CACNG3: variants seen among roughly 807,000 people sequenced by gnomAD.
CACNG3 encodes the protein voltage-dependent calcium channel gamma-3 subunit.
A neutral mutation model predicts 28.5 loss-of-function variants in CACNG3; 3 were observed. The observed-to-expected ratio is 0.11, with a 90% CI of 0.05 to 0.27. The LOEUF (loss-of-function observed/expected upper bound fraction) is 0.27. CACNG3 is among the 10% of genes least tolerant of loss of function. The probability of loss-of-function intolerance (pLI) is 1.00; values close to 1 mark genes in which losing one functional copy is unlikely to be tolerated. For synonymous variants in CACNG3, 174 were observed against 162.2 expected (o/e 1.07, Z -0.55); for missense variants, 236 against 414.4 (o/e 0.57, Z 3.74).
intron 1 of CACNG3, among the ~76,000 whole-genome samples, chr16:24,336,274 CAT>C (rs1491554653): frequency 1.4e-5 from 2 of 144,242 alleles, no homozygotes; most frequent in Admixed American, 1.4e-4. Flanking sequence ...AGATCACTGG[CAT>C]TTTTTTTTTT....
intron 1 of CACNG3, among the ~76,000 whole-genome samples, chr16:24,273,720 G>T (rs1160739227): frequency 1.3e-5 from 2 of 152,172 alleles, no homozygotes; most frequent in East Asian, 3.8e-4. Flanking sequence ...CAAGAAAAAT[G>T]TCCAAATGGA....
At chr16:24,340,666 T>C (rs562522989) in intron 1 of CACNG3, among the ~76,000 whole-genome samples, 1 of 152,250 alleles carries the variant, frequency 6.6e-6, no homozygotes, top group African/African-American at 2.4e-5. Flanking sequence ...TACAATCTTC[T>C]CTCCCCAGGA....
At chr16:24,305,680 C>A (rs1168258752) in intron 1 of CACNG3, among the ~76,000 whole-genome samples, 1 of 152,016 alleles carries the variant, frequency 6.6e-6, no homozygotes, top group African/African-American at 2.4e-5. Flanking sequence ...AGCATTAGGA[C>A]AAACACCTAA....
chr16:24,296,422 AACTT>A (rs1899032532), intron 1 of CACNG3, among the ~76,000 whole-genome samples: 1 of 152,158 alleles, frequency 6.6e-6, no homozygotes, highest in Non-Finnish European at 1.5e-5. Flanking sequence ...TGTGCACAAA[AACTT>A]AATCAATTAC....
chr16:24,271,648 T>C (rs563193043), intron 1 of CACNG3, among the ~76,000 whole-genome samples: 1 of 152,318 alleles, frequency 6.6e-6, no homozygotes, highest in African/African-American at 2.4e-5. Context: ...GCCGCTACTA[T>C]GTGCTAGACC....
At chr16:24,352,406 T>C (rs1264997663) in intron 2 of CACNG3, among the ~76,000 whole-genome samples, 1 of 152,162 alleles carries the variant, frequency 6.6e-6, no homozygotes, top group Non-Finnish European at 1.5e-5. Context: ...GCGAATTCTG[T>C]TGGCTTTACT....
intron 2 of CACNG3, 46 bp from the exon 3 acceptor site, chr16:24,354,786 AG>A: frequency 4.4e-6 from 7 of 1,596,370 alleles, no homozygotes; most frequent in Non-Finnish European, 6.0e-6. Context: ...GGAGGACCCC[AG>A]GGGCTGGCTG....
chr16:24,336,897 C>T (rs1034052905), intron 1 of CACNG3, among the ~76,000 whole-genome samples: 1 of 152,132 alleles, frequency 6.6e-6, no homozygotes, highest in African/African-American at 2.4e-5. Flanking sequence ...TCACTGCAGC[C>T]TCAATCTCCC....
chr16:24,264,661 G>A (rs1898574129), intron 1 of CACNG3, among the ~76,000 whole-genome samples: 1 of 152,182 alleles, frequency 6.6e-6, no homozygotes, highest in Non-Finnish European at 1.5e-5. Context: ...GCTCCCTGCA[G>A]GAACATACAT....
chr16:24,271,772 C>T (rs932742763), intron 1 of CACNG3, among the ~76,000 whole-genome samples: 1 of 152,176 alleles, frequency 6.6e-6, no homozygotes, highest in Non-Finnish European at 1.5e-5. Flanking sequence ...GTGAGCAGGG[C>T]ATGGGGCTCC....
rs1456654703 is a variant in CACNG3 at position 24,256,989 on chromosome 16, G to T, written c.211+24G>T. The T allele has an allele frequency of 7.2e-7, 1 of 1,398,220 alleles. No individual in the cohort carries two copies. Among genetic ancestry groups the T allele is most frequent in the Non-Finnish European group, 1.0e-6 (1 of 983,300 alleles). The allele number at this position is 1,398,220 out of a possible 1,614,324, so 86.6% of individuals were successfully genotyped here. A position where few individuals can be genotyped will look rare whatever the true frequency, so the allele number is the denominator to read the frequency against. On this transcript the variant is annotated intron_variant, in intron 1 of 3. Coordinates refer to ENST00000005284, the MANE Select transcript of CACNG3 (RefSeq NM_006539.4). This position sits in a 1 kb window ranked among gnomAD's most constrained non-coding sequence, Gnocchi z 4.6. ...AGGTATTTACAATTTCCTCTCAATAGCTCTGAATAATCCAGTTCTGATATT... is the reference window on the plus strand; with the variant it reads ...AGGTATTTACAATTTCCTCTCAATATCTCTGAATAATCCAGTTCTGATATT...
intron 1 of CACNG3, among the ~76,000 whole-genome samples, chr16:24,285,558 A>T (rs1898881490): frequency 6.6e-6 from 1 of 152,264 alleles, no homozygotes; most frequent in South Asian, 2.1e-4. Flanking sequence ...AGAGCCAGAC[A>T]CAATGGCACA....
At chr16:24,278,481 T>C (rs1898780445) in intron 1 of CACNG3, among the ~76,000 whole-genome samples, 1 of 152,068 alleles carries the variant, frequency 6.6e-6, no homozygotes, top group Admixed American at 6.5e-5. Flanking sequence ...CTGGGTGTGG[T>C]GGCACATGCC....
chr16:24,335,877 C>A (rs1173083358), intron 1 of CACNG3, among the ~76,000 whole-genome samples: 2 of 152,006 alleles, frequency 1.3e-5, no homozygotes, highest in Admixed American at 6.6e-5. Flanking sequence ...GAGTTGGAGA[C>A]CAGCCTAGCC....
At chr16:24,359,641 C>T (rs139191360) in intron 3 of CACNG3, among the ~76,000 whole-genome samples, 1 of 151,888 alleles carries the variant, frequency 6.6e-6, no homozygotes, top group Non-Finnish European at 1.5e-5. Flanking sequence ...GTGGGAGGAT[C>T]ACTTGAGGCC....
intron 1 of CACNG3, among the ~76,000 whole-genome samples, chr16:24,316,366 C>G (rs1026353714): frequency 4.0e-5 from 6 of 151,796 alleles, no homozygotes; most frequent in Non-Finnish European, 8.8e-5. Context: ...TCACTGAGGA[C>G]CAGGCTTGGC....
chr16:24,362,112 T>C lies in CACNG3; in HGVS notation c.*249T>C, dbSNP rs2141387228. The C allele has an allele frequency of 5.0e-6, 2 of 398,230 alleles. No homozygotes were observed. The highest frequency in any genetic ancestry group is 7.4e-5 in the East Asian group (2 of 26,974). The allele number at this position is 398,230 out of a possible 1,614,324, so 24.7% of individuals were successfully genotyped here. On this transcript the variant is annotated 3_prime_UTR_variant, in exon 4 of 4. Coordinates refer to ENST00000005284, the MANE Select transcript of CACNG3 (RefSeq NM_006539.4). The stretch of plus-strand genomic sequence containing the variant: ...TGTGTATCTGTGCCAGATGTTTTCC[T>C]TTCTTCCTTCTTTACTGGAAGGACC...
rs1294749637 is a variant in CACNG3 at position 24,317,627 on chromosome 16, AC to A, written c.212-29106del. Among the ~76,000 whole-genome samples, 56 of 44,442 alleles carry A rather than the reference AC, an allele frequency of 1.3e-3. 3 individuals carry two copies. Among genetic ancestry groups the A allele is most frequent in the East Asian group, 5.5e-3 (9 of 1,636 alleles). The allele number at this position is 44,442 out of a possible 152,430, so 29.2% of individuals were successfully genotyped here. ...GAAAGAAAGAAAGAAAGAAAGAAAG[AC>A]AGACAGAAAGAAAGAAAAGAAAAGA... is the stretch of plus-strand genomic sequence containing the variant. On this transcript the variant is annotated intron_variant, in intron 1 of 3. Transcript: ENST00000005284.
intron 1 of CACNG3, 123 bp downstream of exon 1, chr16:24,257,088 C>A: frequency 1.5e-6 from 1 of 676,012 alleles, no homozygotes. Flanking sequence ...TGAGAATGTG[C>A]AGGTGCCCAG....
Sources: gnomAD v4.1 joint callset for allele counts (sites outside exome capture counted in the v4.1 genomes callset) on GRCh38, gnomAD v4.1.1 for gene constraint, Gnocchi (gnomAD v3.1) non-coding constraint, MANE v1.5 for transcripts, NCBI Gene and HGNC (gene_info 2026-07-23, HGNC 2026-07-21) for gene names.